GRM1: variants seen among roughly 807,000 people sequenced by gnomAD.
The protein encoded by GRM1 is metabotropic glutamate receptor 1.
In GRM1, 33 loss-of-function variants were observed where a neutral mutation model predicts 90.9. That is an observed-to-expected ratio of 0.36 (90% confidence interval 0.28 to 0.49). The LOEUF is 0.49. GRM1 is among the 20% of genes least tolerant of loss of function. GRM1 has a pLI of 0.99. For synonymous variants in GRM1, 700 were observed against 613.2 expected (o/e 1.14, Z -2.09); for missense variants, 1,190 against 1,534.3 (o/e 0.78, Z 3.75).
At chr6:146,304,512 G>A in intron 2 of GRM1, 99 bp from the exon 3 acceptor site, 1 of 874,962 alleles carries the variant, frequency 1.1e-6, no homozygotes, top group Non-Finnish European at 1.9e-6. Context: ...AAAATAGTCT[G>A]TAGCCTTTTC....
At chr6:146,252,247 C>T (rs1481652919) in intron 2 of GRM1, among the ~76,000 whole-genome samples, 1 of 151,978 alleles carries the variant, frequency 6.6e-6, no homozygotes, top group African/African-American at 2.4e-5. Context: ...ATGCAAAAAA[C>T]AGAGGTAATA....
At chr6:146,332,421 A>G (rs1466200364) in intron 3 of GRM1, among the ~76,000 whole-genome samples, 1 of 152,170 alleles carries the variant, frequency 6.6e-6, no homozygotes, top group Admixed American at 6.5e-5. Context: ...ATTAGCCAGC[A>G]GTTGTTCCTA....
intron 4 of GRM1, among the ~76,000 whole-genome samples, chr6:146,353,706 T>G (rs551756164): frequency 6.6e-6 from 1 of 152,336 alleles, no homozygotes; most frequent in East Asian, 1.9e-4. Context: ...CTCGGCTCAC[T>G]GCAATTTCTG....
At chr6:146,289,223 T>C (rs992570327) in intron 2 of GRM1, among the ~76,000 whole-genome samples, 1 of 152,192 alleles carries the variant, frequency 6.6e-6, no homozygotes, top group African/African-American at 2.4e-5. Context: ...TTAATGCCTC[T>C]GAAGACCTTC....
rs1554296827 is a variant in GRM1 at position 146,322,570 on chromosome 6, C to CTTTAT, written c.1186+17727_1186+17728insATTTT. 7.3e-5 allele frequency among the ~76,000 whole-genome samples: 8 copies of CTTTAT among 109,996 alleles called. No individual in the cohort carries two copies. The East Asian group carries it at 1.6e-3, about 22-fold the overall frequency. 72.2% of individuals were successfully genotyped at this position (109,996 alleles called of 152,430 possible). ...ATCAGCACCTGACTGGGGCTGCTGC[C>CTTTAT]TTTCTTTTATTTTATTTTATTTTAT... On this transcript the variant is annotated intron_variant, in intron 3 of 7. Transcript: ENST00000282753.
chr6:146,189,317 G>C (rs893148160), intron 2 of GRM1, among the ~76,000 whole-genome samples: 2 of 152,126 alleles, frequency 1.3e-5, no homozygotes, highest in African/African-American at 2.4e-5. Context: ...ATTCCCACCA[G>C]CTTTTTGAGC....
intron 3 of GRM1, among the ~76,000 whole-genome samples, chr6:146,350,105 T>C (rs1407723329): frequency 6.6e-6 from 1 of 152,214 alleles, no homozygotes; most frequent in Non-Finnish European, 1.5e-5. Flanking sequence ...AAAAGACTGA[T>C]CTCACAGATA....
Position 146,206,047 on chromosome 6 carries a change from G to A in GRM1, c.950+46450G>A, listed in dbSNP as rs561763321. On this transcript the variant is annotated intron_variant, in intron 2 of 7. Coordinates refer to ENST00000282753, the MANE Select transcript of GRM1 (RefSeq NM_001278064.2). ...AGAAAGGAAGAGATTGATGTATGTCGTAGCAGAGAAAGAGAAGTGGGGACA... is the reference window on the plus strand; with the variant it reads ...AGAAAGGAAGAGATTGATGTATGTCATAGCAGAGAAAGAGAAGTGGGGACA... 2.2e-4 allele frequency among the ~76,000 whole-genome samples: 34 copies of A among 152,274 alleles called. 1 individual carries two copies. The South Asian group carries it at 5.8e-3, about 26-fold the overall frequency.
chr6:146,091,075 C>T (rs746813650), intron 1 of GRM1, among the ~76,000 whole-genome samples: 2 of 152,136 alleles, frequency 1.3e-5, no homozygotes, highest in Non-Finnish European at 2.9e-5. Flanking sequence ...GTGAATCAAA[C>T]TTGCCTACTC....
chr6:146,215,300 G>C (rs1052230746), intron 2 of GRM1, among the ~76,000 whole-genome samples: 1 of 152,116 alleles, frequency 6.6e-6, no homozygotes, highest in Non-Finnish European at 1.5e-5. Context: ...TTAGTCTTAG[G>C]ATAATCAAGC....
chr6:146,395,764 A>G (rs977318483), intron 6 of GRM1, among the ~76,000 whole-genome samples: 1 of 152,084 alleles, frequency 6.6e-6, no homozygotes, highest in African/African-American at 2.4e-5. Context: ...ATGTTATACT[A>G]TTTTCTGGTA....
chr6:146,341,157 A>C (rs1027123333), intron 3 of GRM1, among the ~76,000 whole-genome samples: 1 of 152,168 alleles, frequency 6.6e-6, no homozygotes, highest in African/African-American at 2.4e-5. Flanking sequence ...TGTTGAGTTA[A>C]AGGTATCCAT....
chr6:146,101,505 G>C (rs1777048386), intron 1 of GRM1, among the ~76,000 whole-genome samples: 1 of 152,046 alleles, frequency 6.6e-6, no homozygotes, highest in African/African-American at 2.4e-5. Context: ...ATTTAGGCAT[G>C]ATGGGCCACG....
In GRM1 at chr6:146,135,289, G is replaced by A. The variant is rs192331135; in HGVS notation, c.701-24059G>A. ...GCCCAGGACTCTCTGCTGCCAGAGCGCCTGCTTATCACCATTCTGCAATGC... is the reference window on the plus strand; with the variant it reads ...GCCCAGGACTCTCTGCTGCCAGAGCACCTGCTTATCACCATTCTGCAATGC... On this transcript the variant is annotated intron_variant, in intron 1 of 7. Transcript: ENST00000282753. Among the ~76,000 whole-genome samples the A allele has an allele frequency of 3.3e-3, 501 of 152,222 alleles. 5 individuals are homozygous for A. Among genetic ancestry groups the A allele is most frequent in the Non-Finnish European group, 3.1e-3 (211 of 68,010 alleles).
At chr6:146,057,886 A>G (rs766881357) in intron 1 of GRM1, among the ~76,000 whole-genome samples, 2 of 152,012 alleles carry the variant, frequency 1.3e-5, no homozygotes, top group Non-Finnish European at 2.9e-5. Context: ...TTTTATTTTC[A>G]TTGGGTTTTG....
At chr6:146,075,964 C>CTT in intron 1 of GRM1, among the ~76,000 whole-genome samples, 1 of 152,192 alleles carries the variant, frequency 6.6e-6, no homozygotes, top group Non-Finnish European at 1.5e-5. Flanking sequence ...TAAATAAGGT[C>CTT]ACATTCATAA....
intron 6 of GRM1, 93 bp from the exon 7 acceptor site, chr6:146,398,676 G>A (rs1434722201): frequency 1.2e-6 from 1 of 866,732 alleles, no homozygotes; most frequent in East Asian, 2.4e-5. Flanking sequence ...CATGAAGGAT[G>A]CAAAGATGAC....
At chr6:146,281,097 T>C (rs1259992135) in intron 2 of GRM1, among the ~76,000 whole-genome samples, 1 of 152,222 alleles carries the variant, frequency 6.6e-6, no homozygotes, top group African/African-American at 2.4e-5. Flanking sequence ...ATTTAAAACA[T>C]ACAAGAACAA....
intron 2 of GRM1, among the ~76,000 whole-genome samples, chr6:146,208,173 G>A (rs944151524): frequency 2.0e-5 from 3 of 152,084 alleles, no homozygotes; most frequent in African/African-American, 4.8e-5. Flanking sequence ...GGCTTACAGC[G>A]ACTTAGATAA....
Sources: allele counts gnomAD v4.1 joint callset (sites outside exome capture counted in the v4.1 genomes callset), GRCh38; gene constraint gnomAD v4.1.1; transcripts MANE v1.5; gene names NCBI Gene and HGNC (gene_info 2026-07-23, HGNC 2026-07-21).